Variants in RAD51B observed in about 807,000 individuals in gnomAD.
RAD51B encodes the protein RAD51 paralog B, also known as DNA repair protein RAD51 homolog 2.
In RAD51B, 38 loss-of-function variants were observed where a neutral mutation model predicts 42.2. The ratio of observed to expected loss-of-function variants is 0.90; its 90% CI spans 0.70 to 1.18. The LOEUF is 1.18. RAD51B is among the 50% of genes most tolerant of loss of function. The pLI is 0.00. For synonymous variants in RAD51B, 154 were observed against 145.2 expected (o/e 1.06, Z -0.43); for missense variants, 373 against 400.7 (o/e 0.93, Z 0.59).
intron 9 of RAD51B, among the ~76,000 whole-genome samples, chr14:68,423,483 T>C (rs946746623): frequency 9.2e-5 from 14 of 152,188 alleles, no homozygotes; most frequent in Non-Finnish European, 2.1e-4. Context: ...TACTTTACAA[T>C]TGGAGCACAT....
chr14:68,001,740 C>T (rs1017184878), intron 7 of RAD51B, among the ~76,000 whole-genome samples: 1 of 152,112 alleles, frequency 6.6e-6, no homozygotes, highest in African/African-American at 2.4e-5. Flanking sequence ...TTGTTCCCCT[C>T]CATGTGTCCC....
intron 4 of RAD51B, among the ~76,000 whole-genome samples, chr14:67,855,556 A>G (rs1402010983): frequency 6.6e-6 from 1 of 152,082 alleles, no homozygotes; most frequent in Non-Finnish European, 1.5e-5. Flanking sequence ...AGTTCTTTTT[A>G]TAATTGGCAG....
At chr14:67,985,973 C>T (rs1398229463) in intron 7 of RAD51B, among the ~76,000 whole-genome samples, 1 of 151,976 alleles carries the variant, frequency 6.6e-6, no homozygotes, top group African/African-American at 2.4e-5. Context: ...TATAATGGCT[C>T]ATTTGGGTTT....
At chr14:68,007,424 T>C (rs536774162) in intron 7 of RAD51B, among the ~76,000 whole-genome samples, 1 of 152,240 alleles carries the variant, frequency 6.6e-6, no homozygotes, top group African/African-American at 2.4e-5. Flanking sequence ...GTTTAACTAT[T>C]TGAGGAACTG....
intron 11 of RAD51B, among the ~76,000 whole-genome samples, chr14:68,652,312 T>C (rs1404673995): frequency 6.6e-6 from 1 of 152,238 alleles, no homozygotes; most frequent in Non-Finnish European, 1.5e-5. Flanking sequence ...CCTTTCTCCT[T>C]GCTCGCCCTT....
intron 8 of RAD51B, among the ~76,000 whole-genome samples, chr14:68,386,046 A>G (rs2083587466): frequency 6.6e-6 from 1 of 152,240 alleles, no homozygotes; most frequent in African/African-American, 2.4e-5. Context: ...TCATTGCTCT[A>G]TTTCCCGTCT....
At chr14:68,331,909 A>G (rs1349291077) in intron 8 of RAD51B, among the ~76,000 whole-genome samples, 2 of 150,998 alleles carry the variant, frequency 1.3e-5, no homozygotes, top group Non-Finnish European at 2.9e-5. Flanking sequence ...TTTGCTGAAT[A>G]TGGTGATTTT....
chr14:68,452,426 G>A (rs2025010), intron 9 of RAD51B, among the ~76,000 whole-genome samples: 1,565 of 152,172 alleles, frequency 0.01, 13 homozygotes, highest in South Asian at 0.018. Context: ...ATTTGATGGC[G>A]ATGAGCTTAC....
At chr14:68,213,098 T>C (rs1454909397) in intron 7 of RAD51B, among the ~76,000 whole-genome samples, 3 of 152,182 alleles carry the variant, frequency 2.0e-5, no homozygotes, top group Admixed American at 2.0e-4. Flanking sequence ...CATTAAAAAT[T>C]TCTGACGAAA....
intron 11 of RAD51B, among the ~76,000 whole-genome samples, chr14:68,667,118 G>A (rs140026456): frequency 6.6e-6 from 1 of 152,212 alleles, no homozygotes; most frequent in Non-Finnish European, 1.5e-5. Flanking sequence ...AGCTATAGAC[G>A]AGATGGAGAG....
intron 7 of RAD51B, among the ~76,000 whole-genome samples, chr14:68,174,534 C>T (rs561664900): frequency 6.6e-6 from 1 of 152,238 alleles, no homozygotes; most frequent in Non-Finnish European, 1.5e-5. Flanking sequence ...TCAATGATTG[C>T]TGTTTAAAAA....
At chr14:68,252,812 G>T (rs1026305445) in intron 7 of RAD51B, among the ~76,000 whole-genome samples, 1 of 151,980 alleles carries the variant, frequency 6.6e-6, no homozygotes, top group Non-Finnish European at 1.5e-5. Context: ...CAGGTGTGGT[G>T]ACTCACTCCT....
chr14:68,039,493 A>C (rs1158177573), intron 7 of RAD51B, among the ~76,000 whole-genome samples: 1 of 152,066 alleles, frequency 6.6e-6, no homozygotes, highest in Non-Finnish European at 1.5e-5. Context: ...AGCACCAAAA[A>C]CTTGAGAAAA....
chr14:68,655,291 C>T (rs926932818), intron 11 of RAD51B, among the ~76,000 whole-genome samples: 1 of 152,106 alleles, frequency 6.6e-6, no homozygotes, highest in Non-Finnish European at 1.5e-5. Flanking sequence ...CGGGCCACGG[C>T]AGCCTGAGCA....
intron 8 of RAD51B, among the ~76,000 whole-genome samples, chr14:68,334,912 T>TCATA: frequency 6.8e-6 from 1 of 147,504 alleles, no homozygotes; most frequent in African/African-American, 2.5e-5. Flanking sequence ...GATAGATATA[T>TCATA]TTTATGATAT....
downstream of RAD51B, among the ~76,000 whole-genome samples, chr14:68,613,628 G>A (rs980815261): frequency 2.4e-4 from 36 of 151,778 alleles, no homozygotes; most frequent in Admixed American, 8.5e-4. Flanking sequence ...TAGTTTTTTT[G>A]TATTTTTAGT....
intron 7 of RAD51B, among the ~76,000 whole-genome samples, chr14:67,982,457 G>T (rs1048495348): frequency 5.9e-5 from 9 of 151,950 alleles, no homozygotes; most frequent in Non-Finnish European, 1.3e-4. Context: ...TTATTGAAGA[G>T]TCCCATATGT....
intron 7 of RAD51B, among the ~76,000 whole-genome samples, chr14:67,986,237 A>G (rs1378297053): frequency 1.3e-5 from 2 of 152,254 alleles, no homozygotes; most frequent in South Asian, 4.1e-4. Context: ...AAAAATATTC[A>G]TAAGTCAAAA....
chr14:68,217,775 CAT>C (rs1281755970), intron 7 of RAD51B, among the ~76,000 whole-genome samples: 2 of 152,148 alleles, frequency 1.3e-5, no homozygotes, highest in African/African-American at 4.8e-5. Flanking sequence ...GTCGGGCACT[CAT>C]AGAATATTTT....
Sources: gnomAD v4.1 joint callset for allele counts (sites outside exome capture counted in the v4.1 genomes callset) on GRCh38, gnomAD v4.1.1 for gene constraint, MANE v1.5 for transcripts, NCBI Gene and HGNC (gene_info 2026-07-23, HGNC 2026-07-21) for gene names.